Variants in EGLN1 observed in about 807,000 individuals in gnomAD.
EGLN1 encodes egl-9 family hypoxia inducible factor 1, also known as egl nine homolog 1.
Under a neutral mutation model 38.3 loss-of-function variants are expected in EGLN1, and 17 were observed. The ratio of observed to expected loss-of-function variants is 0.44; its 90% CI spans 0.30 to 0.67. EGLN1 has a LOEUF of 0.67. EGLN1 is among the 30% of genes least tolerant of loss of function. The probability of loss-of-function intolerance (pLI) is 0.08; values close to 1 mark genes in which losing one functional copy is unlikely to be tolerated. For synonymous variants in EGLN1, 283 were observed against 257.5 expected (o/e 1.10, Z -0.95); for missense variants, 477 against 603.3 (o/e 0.79, Z 2.19).
intron 1 of EGLN1, among the ~76,000 whole-genome samples, chr1:231,385,142 A>G (rs1473230300): frequency 6.6e-6 from 1 of 152,240 alleles, no homozygotes; most frequent in Non-Finnish European, 1.5e-5. Context: ...TATGAGATAT[A>G]AAAGAAGATG....
At chr1:231,415,209 G>A (rs1689047767) in intron 1 of EGLN1, among the ~76,000 whole-genome samples, 1 of 151,728 alleles carries the variant, frequency 6.6e-6, no homozygotes, top group Admixed American at 6.6e-5. Flanking sequence ...GGAGCTGGAG[G>A]CTGCAGTAAG....
intron 1 of EGLN1, among the ~76,000 whole-genome samples, chr1:231,414,497 A>C (rs1398672746): frequency 6.6e-6 from 1 of 152,188 alleles, no homozygotes; most frequent in Admixed American, 6.5e-5. Context: ...CTACTAAAGA[A>C]ACAAGAGAGG....
At position 231,389,964 on chromosome 1, in the gene EGLN1, AAAC is replaced by A. The variant is rs370000510; in HGVS notation, c.892-15868_892-15866del. Among the ~76,000 whole-genome samples the A allele has an allele frequency of 2.7e-3, 406 of 152,214 alleles. 3 individuals carry two copies. Among genetic ancestry groups the A allele is most frequent in the African/African-American group, 9.1e-3 (377 of 41,558 alleles). The stretch of plus-strand genomic sequence containing the variant: ...GCTCTCTGAAAACAAACAAACAAAC[AAAC>A]AACAACAACAACAAAAGAACAGTGG... On this transcript the variant is annotated intron_variant, in intron 1 of 4. Transcript: ENST00000366641.
intron 1 of EGLN1, among the ~76,000 whole-genome samples, chr1:231,375,813 A>G (rs969295970): frequency 1.3e-5 from 2 of 152,230 alleles, no homozygotes; most frequent in African/African-American, 4.8e-5. Flanking sequence ...GTACTAATTT[A>G]ACAATGCAAT....
At chr1:231,398,659 T>C (rs1688590832) in intron 1 of EGLN1, among the ~76,000 whole-genome samples, 1 of 152,118 alleles carries the variant, frequency 6.6e-6, no homozygotes, top group Non-Finnish European at 1.5e-5. Flanking sequence ...TCTGGGAAGA[T>C]GGATCTGATA....
At chr1:231,405,977 A>AC (rs1221403685) in intron 1 of EGLN1, among the ~76,000 whole-genome samples, 2 of 29,154 alleles carry the variant, frequency 6.9e-5, no homozygotes, top group South Asian at 1.7e-3. Context: ...AGCACCCCCC[A>AC]CCCCCCACCC....
Position 231,374,109 on chromosome 1 carries a change from T to C in EGLN1, c.892-10A>G. On this transcript the variant is annotated splice_polypyrimidine_tract_variant and intron_variant, in intron 1 of 4. Transcript: ENST00000366641. The stretch of plus-strand genomic sequence containing the variant: ...AACAAGCAACCATGGCCTGTAATAA[T>C]GATAATAATGATTATTAAAGTCCAT... The C allele has an allele frequency of 2.5e-6, 4 of 1,611,656 alleles. No homozygotes were observed. The African/African-American group carries it at 4.0e-5, about 16-fold the overall frequency.
At chr1:231,380,463 G>GGTGT (rs1553351044) in intron 1 of EGLN1, among the ~76,000 whole-genome samples, 9 of 95,530 alleles carry the variant, frequency 9.4e-5, no homozygotes, top group Non-Finnish European at 2.2e-4. Context: ...GTAAATGATA[G>GGTGT]GTATATATAT....
At chr1:231,388,935 G>A (rs573068059) in intron 1 of EGLN1, among the ~76,000 whole-genome samples, 2 of 152,294 alleles carry the variant, frequency 1.3e-5, no homozygotes, top group African/African-American at 4.8e-5. Flanking sequence ...GATTACAGGC[G>A]TGAGCCACCG....
At chr1:231,394,047 C>CT (rs1162082573) in intron 1 of EGLN1, among the ~76,000 whole-genome samples, 1 of 152,208 alleles carries the variant, frequency 6.6e-6, no homozygotes, top group Non-Finnish European at 1.5e-5. Context: ...CCTTCTACTC[C>CT]TTTTTCTCAT....
At chr1:231,411,740 T>C (rs1688946990) in intron 1 of EGLN1, among the ~76,000 whole-genome samples, 1 of 152,072 alleles carries the variant, frequency 6.6e-6, no homozygotes, top group Admixed American at 6.5e-5. Flanking sequence ...GGCTCATGCC[T>C]GTAATCCCAG....
rs1558375107 is a variant in EGLN1 at position 231,364,889 on chromosome 1, C to T, written c.*1522G>A. The stretch of plus-strand genomic sequence containing the variant: ...AAGCCTAGGAAAGTGAAGTCTAAGA[C>T]ATCCGTCCCAATTCATTCTTTAAAT... On this transcript the variant is annotated 3_prime_UTR_variant, in exon 5 of 5. Transcript: ENST00000366641. 6.6e-6 allele frequency: 1 copy of T among 152,196 alleles called. No individual in the cohort carries two copies. The highest frequency in any genetic ancestry group is 1.5e-5 in the Non-Finnish European group (1 of 68,024). 9.4% of individuals were successfully genotyped at this position (152,196 alleles called of 1,614,324 possible).
At chr1:231,418,130 G>A (rs1689132528) in intron 1 of EGLN1, among the ~76,000 whole-genome samples, 1 of 152,150 alleles carries the variant, frequency 6.6e-6, no homozygotes, top group African/African-American at 2.4e-5. Context: ...CTGAATTGAA[G>A]TCTCCCTCTG....
intron 1 of EGLN1, among the ~76,000 whole-genome samples, chr1:231,407,171 T>C (rs1439512335): frequency 6.6e-6 from 1 of 152,168 alleles, no homozygotes; most frequent in Non-Finnish European, 1.5e-5. Flanking sequence ...CAAATGACCT[T>C]TACACTGCCA....
chr1:231,369,272 C>A (rs1036060926), intron 3 of EGLN1, among the ~76,000 whole-genome samples: 2 of 152,154 alleles, frequency 1.3e-5, no homozygotes, highest in African/African-American at 4.8e-5. Context: ...AATGTAGCAC[C>A]ACCTTCGTTC....
intron 1 of EGLN1, among the ~76,000 whole-genome samples, chr1:231,382,048 T>C (rs1021964844): frequency 1.3e-5 from 2 of 152,212 alleles, no homozygotes; most frequent in Non-Finnish European, 2.9e-5. Context: ...ATATTATTAA[T>C]ATAATTCGTT....
At chr1:231,375,462 A>T (rs1687935890) in intron 1 of EGLN1, among the ~76,000 whole-genome samples, 1 of 152,242 alleles carries the variant, frequency 6.6e-6, no homozygotes, top group Non-Finnish European at 1.5e-5. Flanking sequence ...TATCATATTA[A>T]AAGAAAAATG....
intron 1 of EGLN1, among the ~76,000 whole-genome samples, chr1:231,396,834 AG>A (rs1313483864): frequency 6.6e-6 from 1 of 152,186 alleles, no homozygotes; most frequent in Non-Finnish European, 1.5e-5. Flanking sequence ...ACGGAAACTT[AG>A]AACTATCATC....
intron 1 of EGLN1, among the ~76,000 whole-genome samples, chr1:231,377,902 CAGAGT>C (rs1687997940): frequency 6.6e-6 from 1 of 152,078 alleles, no homozygotes; most frequent in Non-Finnish European, 1.5e-5. Context: ...AAATAAAAGG[CAGAGT>C]AAAGAAAAGT....
Sources: allele counts gnomAD v4.1 joint callset (sites outside exome capture counted in the v4.1 genomes callset), GRCh38; gene constraint gnomAD v4.1.1; transcripts MANE v1.5; gene names NCBI Gene and HGNC (gene_info 2026-07-23, HGNC 2026-07-21).